Variants in PIK3AP1 observed in about 807,000 individuals in gnomAD.
PIK3AP1 encodes the protein phosphoinositide-3-kinase adaptor protein 1.
A neutral mutation model predicts 88.1 loss-of-function variants in PIK3AP1; 21 were observed. The ratio of observed to expected loss-of-function variants is 0.24; its 90% CI spans 0.17 to 0.34. The LOEUF (loss-of-function observed/expected upper bound fraction) is 0.34, where lower values mean the gene tolerates loss of function less well. PIK3AP1 is among the 10% of genes least tolerant of loss of function. The pLI is 1.00. For synonymous variants in PIK3AP1, 398 were observed against 400.0 expected, an observed-to-expected ratio of 1.00 and a Z score of 0.06; for missense variants, 828 against 1,035.7, an observed-to-expected ratio of 0.80 and a Z score of 2.75.
chr10:96,669,351 C>G (rs60244462), intron 2 of PIK3AP1, among the ~76,000 whole-genome samples: 5 of 152,306 alleles, frequency 3.3e-5, no homozygotes, highest in Non-Finnish European at 5.9e-5. Context: ...TACGAAGTTT[C>G]CTAGTCACAT....
intron 2 of PIK3AP1, among the ~76,000 whole-genome samples, 181 bp from the exon 3 acceptor site, chr10:96,657,115 A>T (rs923813297): frequency 1.3e-5 from 2 of 152,168 alleles, no homozygotes; most frequent in Non-Finnish European, 1.5e-5. Context: ...CAAGCCAAAC[A>T]GCATGTAGGC....
At chr10:96,677,651 C>T (rs1435794760) in intron 2 of PIK3AP1, among the ~76,000 whole-genome samples, 2 of 149,580 alleles carry the variant, frequency 1.3e-5, no homozygotes, top group Non-Finnish European at 3.0e-5. Context: ...CTTCTGTAAA[C>T]ATTTATCTCC....
At chr10:96,656,728 T>C (rs762572630) in intron 3 of PIK3AP1, 70 bp downstream of exon 3, 32 of 1,581,830 alleles carry the variant, frequency 2.0e-5, no homozygotes, top group Admixed American at 6.9e-5. Flanking sequence ...CTCTCTTTAC[T>C]GCAACAAATG....
At chr10:96,646,317 T>C (rs1233209692) in intron 7 of PIK3AP1, among the ~76,000 whole-genome samples, 1 of 151,880 alleles carries the variant, frequency 6.6e-6, no homozygotes, top group Admixed American at 6.6e-5. Flanking sequence ...CAATGCTAGG[T>C]ATTTGCCTAT....
chr10:96,596,901 T>G (rs1170804079), intron 16 of PIK3AP1, among the ~76,000 whole-genome samples: 1 of 152,226 alleles, frequency 6.6e-6, no homozygotes, highest in Non-Finnish European at 1.5e-5. Flanking sequence ...GAGGATTGAT[T>G]GAATCAAAGA....
intron 8 of PIK3AP1, among the ~76,000 whole-genome samples, chr10:96,639,152 G>C (rs1412688182): frequency 6.6e-6 from 1 of 152,186 alleles, no homozygotes; most frequent in Non-Finnish European, 1.5e-5. Flanking sequence ...CTGCCACCCT[G>C]AGATGTCTCA....
intron 14 of PIK3AP1, among the ~76,000 whole-genome samples, chr10:96,607,701 G>C (rs1486563631): frequency 6.6e-6 from 1 of 152,190 alleles, no homozygotes; most frequent in Admixed American, 6.5e-5. Flanking sequence ...AAAAGGCTAT[G>C]AATTAAAGGC....
At chr10:96,661,000 C>T (rs1843678505) in intron 2 of PIK3AP1, among the ~76,000 whole-genome samples, 1 of 152,150 alleles carries the variant, frequency 6.6e-6, no homozygotes, top group Admixed American at 6.5e-5. Flanking sequence ...GCCTGGCCAA[C>T]ATGGTGAAAC....
In PIK3AP1 at chr10:96,644,728, G is replaced by A. The variant is rs373782431; in HGVS notation, c.1375+745C>T. Among the ~76,000 whole-genome samples, 138 of 151,680 alleles carry A rather than the reference G, an allele frequency of 9.1e-4. 1 individual carries two copies. The highest frequency in any genetic ancestry group is 3.3e-3 in the African/African-American group (136 of 41,340). ...ATGCAATAAAATCAAATTACCCCTCGCCCCCCAAAAAATCTGCTTATTATT... is the reference window on the plus strand; with the variant it reads ...ATGCAATAAAATCAAATTACCCCTCACCCCCCAAAAAATCTGCTTATTATT... On this transcript the variant is annotated intron_variant, in intron 8 of 16. Coordinates refer to ENST00000339364, the MANE Select transcript of PIK3AP1 (RefSeq NM_152309.3).
chr10:96,685,734 T>C (rs543572208), intron 2 of PIK3AP1, among the ~76,000 whole-genome samples: 11 of 152,318 alleles, frequency 7.2e-5, no homozygotes, highest in African/African-American at 1.2e-4. Context: ...CCAGGGTCCA[T>C]GTCCACATGT....
chr10:96,657,879 C>A (rs1165099169), intron 2 of PIK3AP1, among the ~76,000 whole-genome samples: 1 of 152,080 alleles, frequency 6.6e-6, no homozygotes, highest in East Asian at 1.9e-4. Context: ...GCCTGACCAA[C>A]ATGGTGAAAC....
At chr10:96,717,478 C>G (rs947797858) in intron 1 of PIK3AP1, among the ~76,000 whole-genome samples, 1 of 152,074 alleles carries the variant, frequency 6.6e-6, no homozygotes, top group African/African-American at 2.4e-5. Context: ...TCAATCATAT[C>G]AGGAGCTTCC....
chr10:96,718,484 C>G (rs993612446), intron 1 of PIK3AP1, among the ~76,000 whole-genome samples: 2 of 152,194 alleles, frequency 1.3e-5, no homozygotes, highest in Non-Finnish European at 1.5e-5. Flanking sequence ...ACCCAACTCT[C>G]AATTACAGCA....
Position 96,603,981 on chromosome 10 carries a change from C to T in PIK3AP1, c.2239G>A (p.Glu747Lys), listed in dbSNP as rs2134183342. 1.9e-6 allele frequency: 3 copies of T among 1,602,900 alleles called. No individual in the cohort carries two copies. Among genetic ancestry groups the T allele is most frequent in the Admixed American group, 1.7e-5 (1 of 59,194 alleles). Residue 747 changes from glutamate to lysine, a missense_variant and splice_region_variant, in exon 15 of 17, where the codon GAG becomes AAG. Glu to Lys is a moderately conservative substitution (Grantham distance 56). Coordinates refer to ENST00000339364, the MANE Select transcript of PIK3AP1 (RefSeq NM_152309.3). ...SVSSGMEGDN[E>K]DNEVPEVTRS... The stretch of plus-strand genomic sequence containing the variant: ...TGGGGTGGAGTCCCAGCTCTCACCT[C>T]GTTGTCCCCTTCCATCCCGCTGCTC...
intron 16 of PIK3AP1, among the ~76,000 whole-genome samples, chr10:96,599,534 G>A (rs1007347663): frequency 2.6e-5 from 4 of 152,098 alleles, no homozygotes; most frequent in African/African-American, 9.7e-5. Flanking sequence ...AGTGCTGTTT[G>A]GTTTGGGCCA....
intron 8 of PIK3AP1, among the ~76,000 whole-genome samples, chr10:96,634,333 A>T (rs1444462188): frequency 6.6e-6 from 1 of 152,230 alleles, no homozygotes; most frequent in Non-Finnish European, 1.5e-5. Flanking sequence ...GCTAGAGTCA[A>T]TTGAACAGAC....
chr10:96,632,407 ATT>A (rs35406169), intron 8 of PIK3AP1, among the ~76,000 whole-genome samples: 4,243 of 146,110 alleles, frequency 0.029, 181 homozygotes, highest in African/African-American at 0.097. Context: ...TTTCAAAATA[ATT>A]TTTTTTTTTT....
chr10:96,600,639 G>T (rs777572647), intron 16 of PIK3AP1, among the ~76,000 whole-genome samples: 4 of 152,204 alleles, frequency 2.6e-5, no homozygotes, highest in African/African-American at 4.8e-5. Context: ...GAAATGGAAA[G>T]ATCCTTAGCA....
chr10:96,600,922 T>G (rs1010115676), intron 16 of PIK3AP1, among the ~76,000 whole-genome samples: 3 of 152,140 alleles, frequency 2.0e-5, no homozygotes, highest in African/African-American at 7.2e-5. Context: ...CTGTGACCAC[T>G]TTTTCCGTTA....
Sources: allele counts gnomAD v4.1 joint callset (sites outside exome capture counted in the v4.1 genomes callset), GRCh38; gene constraint gnomAD v4.1.1; transcripts MANE v1.5; gene names NCBI Gene and HGNC (gene_info 2026-07-23, HGNC 2026-07-21).